Variants in RPS6KA1 observed in about 807,000 individuals in gnomAD.
The protein encoded by RPS6KA1 is ribosomal protein S6 kinase A1.
Under a neutral mutation model 91.3 loss-of-function variants are expected in RPS6KA1, and 48 were observed. That is an observed-to-expected ratio of 0.53 (90% CI 0.42 to 0.67). The LOEUF is 0.67. Ranked by LOEUF, RPS6KA1 falls within the 30% of genes least tolerant of loss-of-function variation. RPS6KA1 has a pLI of 0.00. For synonymous variants in RPS6KA1, 359 were observed against 384.7 expected (o/e 0.93, Z 0.78); for missense variants, 719 against 960.5 (o/e 0.75, Z 3.32).
At chr1:26,556,454 T>C (rs564557238) in intron 11 of RPS6KA1, among the ~76,000 whole-genome samples, 200 bp from the exon 12 acceptor site, 1 of 152,296 alleles carries the variant, frequency 6.6e-6, no homozygotes, top group South Asian at 2.1e-4. Flanking sequence ...AATTTCTTCA[T>C]CAGAAGCTCC....
At chr1:26,530,947 G>A (rs1412187483) in intron 1 of RPS6KA1, 1 of 1,162,540 alleles carries the variant, frequency 8.6e-7, no homozygotes, top group Non-Finnish European at 1.1e-6. Context: ...ATGCAGGGAG[G>A]GAATGGAGAC....
intron 2 of RPS6KA1, among the ~76,000 whole-genome samples, chr1:26,541,228 G>T (rs2075944443): frequency 6.7e-6 from 1 of 150,084 alleles, no homozygotes; most frequent in African/African-American, 2.5e-5. Context: ...CTGCACTCCA[G>T]CCTGGGCAAC....
chr1:26,573,536 T>G (rs2076268839), intron 21 of RPS6KA1, among the ~76,000 whole-genome samples, 175 bp downstream of exon 21: 1 of 152,106 alleles, frequency 6.6e-6, no homozygotes, highest in African/African-American at 2.4e-5. Flanking sequence ...AGTGTCACGG[T>G]GCACTCACAG....
At chr1:26,531,946 C>T (rs560242667) in intron 1 of RPS6KA1, among the ~76,000 whole-genome samples, 1 of 152,266 alleles carries the variant, frequency 6.6e-6, no homozygotes, top group East Asian at 1.9e-4. Flanking sequence ...AACAGGGCCT[C>T]GCTGTTCTTA....
In RPS6KA1 at chr1:26,547,031, G is replaced by A. The variant is rs2124629290; in HGVS notation, c.225+48G>A. On this transcript the variant is annotated intron_variant, in intron 3 of 21. Transcript: ENST00000374168. The surrounding 1 kb of genome is among the most constrained non-coding windows in gnomAD (Gnocchi z 4.1). ...TGAAGGCAACACTCGTCATGTTAGAGGTGGGGGTCAAGGGTCACCTAGGGG... is the reference window on the plus strand; with the variant it reads ...TGAAGGCAACACTCGTCATGTTAGAAGTGGGGGTCAAGGGTCACCTAGGGG... The A allele has an allele frequency of 6.4e-7, 1 of 1,572,432 alleles. No homozygotes were observed. The highest frequency in any genetic ancestry group is 1.7e-4 in the Middle Eastern group (1 of 5,994).
At position 26,547,223 on chromosome 1, in the gene RPS6KA1, G is replaced by T. The variant is rs775428408; in HGVS notation, c.260G>T (p.Ser87Ile). Residue 87 changes from serine to isoleucine, a missense_variant, in exon 4 of 22, where the codon AGT becomes ATT. Coordinates refer to ENST00000374168, the MANE Select transcript of RPS6KA1 (RefSeq NM_002953.4). The surrounding 1 kb of genome is among the most constrained non-coding windows in gnomAD (Gnocchi z 4.1). Reference sequence around the variant, plus strand: ...GTGCGGAAAGTCACCCGGCCTGACAGTGGGCACCTGTATGCTATGAAGGTG... The same window carrying T: ...GTGCGGAAAGTCACCCGGCCTGACATTGGGCACCTGTATGCTATGAAGGTG... ...FLVRKVTRPD[S>I]GHLYAMKVLK... 7 of 1,614,076 alleles carry T rather than the reference G, an allele frequency of 4.3e-6. 1 individual carries two copies. Among genetic ancestry groups the T allele is most frequent in the Non-Finnish European group, 5.9e-6 (7 of 1,180,024 alleles).
chr1:26,546,812 C>A, intron 2 of RPS6KA1, 55 bp from the exon 3 acceptor site: 1 of 1,397,820 alleles, frequency 7.2e-7, no homozygotes, highest in Non-Finnish European at 1.0e-6. Context: ...GGCAGGGGAG[C>A]CTCCTGCTGC....
chr1:26,574,128 C>A lies in RPS6KA1; in HGVS notation c.2135C>A (p.Pro712His). ...YSALNSSKPT[P>H]QLKPIESSIL... ...GCACTCAACAGCTCCAAGCCCACCC[C>A]CCAGCTGAAGCCCATCGAGTCATCC... The change falls in exon 22 of 22, where the codon CCC (proline) becomes CAC (histidine). Residue 712 changes from proline (P) to histidine (H), a missense_variant. Pro to His is a moderately conservative substitution (Grantham distance 77). This residue lies in a region of RPS6KA1 where 249 missense variants were observed against 323.1 expected (regional missense o/e 0.77). Coordinates refer to ENST00000374168, the MANE Select transcript of RPS6KA1 (RefSeq NM_002953.4). The surrounding 1 kb of genome is among the most constrained non-coding windows in gnomAD (Gnocchi z 4.3). The A allele has an allele frequency of 6.2e-7, 1 of 1,614,164 alleles. No individual in the cohort carries two copies. Among genetic ancestry groups the A allele is most frequent in the Non-Finnish European group, 8.5e-7 (1 of 1,180,024 alleles).
At chr1:26,560,679 T>G in intron 14 of RPS6KA1, 47 bp from the exon 15 acceptor site, 1 of 1,613,148 alleles carries the variant, frequency 6.2e-7, no homozygotes, top group South Asian at 1.1e-5. Flanking sequence ...GGATGACCCC[T>G]AGCACTCTAG....
At position 26,543,084 on chromosome 1, in the gene RPS6KA1, C is replaced by T. The variant is rs552075008; in HGVS notation, c.109-3783C>T. On this transcript the variant is annotated intron_variant, in intron 2 of 21. Coordinates refer to ENST00000374168, the MANE Select transcript of RPS6KA1 (RefSeq NM_002953.4). The stretch of plus-strand genomic sequence containing the variant: ...GAAGGAGGGGGGCCAGAGACCCTGC[C>T]TTCTGGGCCAGGAAGGCTAAAAAAA... 70 of 1,481,968 alleles carry T rather than the reference C, an allele frequency of 4.7e-5. 1 individual carries two copies. The highest frequency in any genetic ancestry group is 1.5e-4 in the East Asian group (6 of 40,522). 91.8% of individuals were successfully genotyped at this position (1,481,968 alleles called of 1,614,324 possible). A position where few individuals can be genotyped will look rare whatever the true frequency, so the allele number is the denominator to read the frequency against.
chr1:26,538,504 G>A (rs1479588979), intron 2 of RPS6KA1, among the ~76,000 whole-genome samples: 1 of 152,192 alleles, frequency 6.6e-6, no homozygotes, highest in Non-Finnish European at 1.5e-5. Context: ...GGGGTAGGAA[G>A]AGAGACAGGG....
chr1:26,555,265 C>T lies in RPS6KA1; in HGVS notation c.827+44C>T. The T allele has an allele frequency of 6.3e-7, 1 of 1,589,632 alleles. No homozygotes were observed. Among genetic ancestry groups the T allele is most frequent in the Non-Finnish European group, 8.6e-7 (1 of 1,158,478 alleles). On this transcript the variant is annotated intron_variant, in intron 10 of 21. Coordinates refer to ENST00000374168, the MANE Select transcript of RPS6KA1 (RefSeq NM_002953.4). The surrounding 1 kb of genome is among the most constrained non-coding windows in gnomAD (Gnocchi z 4.3). ...CTGATAACAATGGACTCCTCCAAGC[C>T]CCAGCCCCAGTTTGGGGGTCAGAAT...
intron 4 of RPS6KA1, among the ~76,000 whole-genome samples, chr1:26,550,938 C>T (rs925892476): frequency 6.6e-6 from 1 of 152,156 alleles, no homozygotes; most frequent in Non-Finnish European, 1.5e-5. Context: ...GGATCCAGCT[C>T]ACCAGGTAGC....
chr1:26,563,506 C>A (rs996096249), intron 17 of RPS6KA1, among the ~76,000 whole-genome samples: 1 of 152,136 alleles, frequency 6.6e-6, no homozygotes, highest in Admixed American at 6.5e-5. Context: ...GGATTACAGG[C>A]GTAAGCCACC....
Position 26,571,726 on chromosome 1 carries a change from G to A in RPS6KA1, c.1752+116G>A. The A allele has an allele frequency of 6.7e-7, 1 of 1,486,506 alleles. No homozygotes were observed. Among genetic ancestry groups the A allele is most frequent in the Non-Finnish European group, 9.1e-7 (1 of 1,096,816 alleles). 92.1% of individuals were successfully genotyped at this position (1,486,506 alleles called of 1,614,324 possible). A position where few individuals can be genotyped will look rare whatever the true frequency, so the allele number is the denominator to read the frequency against. On this transcript the variant is annotated intron_variant, in intron 18 of 21. Coordinates refer to ENST00000374168, the MANE Select transcript of RPS6KA1 (RefSeq NM_002953.4). This position sits in a 1 kb window ranked among gnomAD's most constrained non-coding sequence, Gnocchi z 5.1. ...AGTCTCTGTGACCTTGGCCCAGCTGGCAAGGGAAGATCTAGCCTGTGCCTG... is the reference window on the plus strand; with the variant it reads ...AGTCTCTGTGACCTTGGCCCAGCTGACAAGGGAAGATCTAGCCTGTGCCTG...
rs1300292750 is a variant in RPS6KA1, at chr1:26,556,960, G to A, written c.982-38G>A. ...ATGGGGCTCCTGGTGGGCTGTTGAG[G>A]ATGCCATGGTGACCAGAGTGCCCAC... On this transcript the variant is annotated intron_variant, in intron 12 of 21. Coordinates refer to ENST00000374168, the MANE Select transcript of RPS6KA1 (RefSeq NM_002953.4). 3 of 1,506,602 alleles carry A rather than the reference G, an allele frequency of 2.0e-6. No individual in the cohort carries two copies. The South Asian group carries it at 3.4e-5, about 17-fold the overall frequency. The allele number at this position is 1,506,602 out of a possible 1,614,324, so 93.3% of individuals were successfully genotyped here. A position where few individuals can be genotyped will look rare whatever the true frequency, so the allele number is the denominator to read the frequency against.
chr1:26,533,296 T>C (rs945282123), intron 1 of RPS6KA1, among the ~76,000 whole-genome samples: 4 of 152,144 alleles, frequency 2.6e-5, no homozygotes, highest in African/African-American at 9.6e-5. Context: ...ACCAGGATGG[T>C]CTCGATCTCT....
chr1:26,564,383 C>T (rs1051350129), intron 17 of RPS6KA1, among the ~76,000 whole-genome samples: 11 of 152,134 alleles, frequency 7.2e-5, no homozygotes, highest in African/African-American at 2.7e-4. Flanking sequence ...CTCAGCCTCC[C>T]GAGTAGCTGG....
intron 2 of RPS6KA1, among the ~76,000 whole-genome samples, chr1:26,542,783 C>T (rs1056087155): frequency 1.3e-5 from 2 of 151,844 alleles, no homozygotes; most frequent in Non-Finnish European, 2.9e-5. Context: ...ACTGGACAGT[C>T]GGACAGTGGC....
Sources: gnomAD v4.1 joint callset for allele counts (sites outside exome capture counted in the v4.1 genomes callset) on GRCh38, gnomAD v4.1.1 for gene constraint, gnomAD v4.1.1 regional missense constraint, Gnocchi (gnomAD v3.1) non-coding constraint, MANE v1.5 for transcripts, NCBI Gene and HGNC (gene_info 2026-07-23, HGNC 2026-07-21) for gene names.